Variants in NEGR1 observed in about 807,000 individuals in gnomAD.
The protein encoded by NEGR1 is neuronal growth regulator 1.
NEGR1 carries 10 observed loss-of-function variants against 40.9 expected under a neutral mutation model. The observed-to-expected ratio is 0.24, with a 90% CI of 0.15 to 0.42. The LOEUF is 0.42. NEGR1 is among the 10% of genes least tolerant of loss of function. The probability of loss-of-function intolerance (pLI) is 1.00; values close to 1 mark genes in which losing one functional copy is unlikely to be tolerated. For synonymous variants in NEGR1, 185 were observed against 166.8 expected (o/e 1.11, Z -0.84); for missense variants, 352 against 438.9 (o/e 0.80, Z 1.77).
intron 3 of NEGR1, among the ~76,000 whole-genome samples, chr1:71,707,573 T>C (rs968208875): frequency 1.3e-5 from 2 of 152,172 alleles, no homozygotes; most frequent in African/African-American, 4.8e-5. Context: ...CCTGGGGGAC[T>C]TCACCATCCT....
chr1:71,590,349 C>T (rs1649458701), intron 6 of NEGR1, among the ~76,000 whole-genome samples: 1 of 151,998 alleles, frequency 6.6e-6, no homozygotes, highest in South Asian at 2.1e-4. Flanking sequence ...CTTTCATGAC[C>T]CTTGAGACTA....
chr1:71,841,202 G>C (rs1057478174), intron 2 of NEGR1, among the ~76,000 whole-genome samples: 1 of 151,928 alleles, frequency 6.6e-6, no homozygotes, highest in Non-Finnish European at 1.5e-5. Flanking sequence ...TATGAGAAGA[G>C]GATAATATAA....
intron 3 of NEGR1, among the ~76,000 whole-genome samples, chr1:71,702,334 G>A (rs1251908145): frequency 6.6e-6 from 1 of 152,004 alleles, no homozygotes; most frequent in African/African-American, 2.4e-5. Context: ...AATAAAGTAT[G>A]ATAACTACTA....
At chr1:71,814,442 A>C (rs1658125576) in intron 2 of NEGR1, among the ~76,000 whole-genome samples, 1 of 151,968 alleles carries the variant, frequency 6.6e-6, no homozygotes, top group East Asian at 1.9e-4. Flanking sequence ...AGTTAGAGAG[A>C]AGTCCCTCCT....
intron 6 of NEGR1, among the ~76,000 whole-genome samples, chr1:71,457,637 A>G (rs1280219529): frequency 6.6e-6 from 1 of 152,254 alleles, no homozygotes; most frequent in Non-Finnish European, 1.5e-5. Context: ...CTGACTTTTT[A>G]TAAATAATTT....
At chr1:71,493,321 G>C (rs1312436039) in intron 6 of NEGR1, among the ~76,000 whole-genome samples, 6 of 152,068 alleles carry the variant, frequency 3.9e-5, no homozygotes, top group Admixed American at 3.9e-4. Flanking sequence ...AAATGTAGAT[G>C]AATACCCATC....
chr1:71,845,141 T>C (rs1269751457), intron 2 of NEGR1, among the ~76,000 whole-genome samples: 1 of 152,160 alleles, frequency 6.6e-6, no homozygotes, highest in Non-Finnish European at 1.5e-5. Flanking sequence ...CAGTATGCAG[T>C]CACAAGGAAA....
intron 2 of NEGR1, among the ~76,000 whole-genome samples, chr1:71,791,954 C>A (rs544200728): frequency 3.9e-5 from 6 of 152,172 alleles, no homozygotes; most frequent in Non-Finnish European, 5.9e-5. Flanking sequence ...AGTTAGTAAA[C>A]ATACAGGACA....
At chr1:71,471,738 T>C (rs939488539) in intron 6 of NEGR1, among the ~76,000 whole-genome samples, 4 of 152,132 alleles carry the variant, frequency 2.6e-5, no homozygotes, top group African/African-American at 9.6e-5. Flanking sequence ...CCCAAAACAA[T>C]ACCAAATCAG....
intron 3 of NEGR1, among the ~76,000 whole-genome samples, chr1:71,713,171 T>G (rs1019363706): frequency 6.6e-6 from 1 of 152,228 alleles, no homozygotes; most frequent in East Asian, 1.9e-4. Context: ...TGAGAAACAT[T>G]ATAAGAAAGG....
intron 1 of NEGR1, among the ~76,000 whole-genome samples, chr1:72,153,021 A>C (rs1651183695): frequency 6.6e-6 from 1 of 151,914 alleles, no homozygotes; most frequent in African/African-American, 2.4e-5. Context: ...CATATTCGGT[A>C]CTATATTCAC....
At chr1:72,143,446 G>A (rs1387772952) in intron 1 of NEGR1, among the ~76,000 whole-genome samples, 2 of 151,770 alleles carry the variant, frequency 1.3e-5, no homozygotes, top group Non-Finnish European at 2.9e-5. Context: ...TACATAAACT[G>A]ATGTCCTTTA....
chr1:71,860,224 A>G (rs937591295), intron 2 of NEGR1, among the ~76,000 whole-genome samples: 7 of 151,862 alleles, frequency 4.6e-5, no homozygotes, highest in African/African-American at 1.7e-4. Flanking sequence ...ACTATTCACA[A>G]AGGGGGAGTT....
chr1:71,457,696 T>C (rs921921933), intron 6 of NEGR1, among the ~76,000 whole-genome samples: 1 of 152,130 alleles, frequency 6.6e-6, no homozygotes, highest in Non-Finnish European at 1.5e-5. Flanking sequence ...TTATTAGTTT[T>C]CCTTTTTCTT....
At chr1:71,957,314 G>A (rs1319667847) in intron 1 of NEGR1, among the ~76,000 whole-genome samples, 1 of 152,076 alleles carries the variant, frequency 6.6e-6, no homozygotes, top group Non-Finnish European at 1.5e-5. Context: ...GGTAAGCATG[G>A]TGTTATCAGA....
intron 1 of NEGR1, among the ~76,000 whole-genome samples, chr1:71,977,160 TAAAAATACAAA>T (rs1307580020): frequency 6.6e-6 from 1 of 151,882 alleles, no homozygotes; most frequent in Non-Finnish European, 1.5e-5. Flanking sequence ...CTGTCTCCAC[TAAAAATACAAA>T]AAAAATTAGC....
intron 6 of NEGR1, among the ~76,000 whole-genome samples, chr1:71,484,995 A>T (rs866156841): frequency 6.6e-6 from 1 of 151,772 alleles, no homozygotes; most frequent in South Asian, 2.1e-4. Context: ...TTTGAAGATG[A>T]TAATTTGAGG....
chr1:71,773,623 T>G (rs1350422921), intron 3 of NEGR1, among the ~76,000 whole-genome samples: 1 of 152,204 alleles, frequency 6.6e-6, no homozygotes, highest in East Asian at 1.9e-4. Flanking sequence ...GCTGTGAATT[T>G]GAATGTAGAT....
intron 1 of NEGR1, among the ~76,000 whole-genome samples, chr1:72,278,005 G>A (rs1656117164): frequency 6.6e-6 from 1 of 152,028 alleles, no homozygotes; most frequent in Non-Finnish European, 1.5e-5. Flanking sequence ...TAATAAAAAG[G>A]CAAATGTTGT....
Sources: allele counts gnomAD v4.1 joint callset (sites outside exome capture counted in the v4.1 genomes callset), GRCh38; gene constraint gnomAD v4.1.1; transcripts MANE v1.5; gene names NCBI Gene and HGNC (gene_info 2026-07-23, HGNC 2026-07-21).